XPNPEP1: variants seen among roughly 807,000 people sequenced by gnomAD.
XPNPEP1 encodes X-prolyl aminopeptidase 1, also known as xaa-Pro aminopeptidase 1.
In XPNPEP1, 39 loss-of-function variants were observed where a neutral mutation model predicts 92.4. The observed-to-expected ratio is 0.42, with a 90% CI of 0.33 to 0.55. XPNPEP1 has a LOEUF of 0.55. Among genes scored for constraint, XPNPEP1 ranks in the 20% least tolerant of loss-of-function variants. XPNPEP1 has a pLI of 0.08. For synonymous variants in XPNPEP1, 307 were observed against 299.4 expected, an observed-to-expected ratio of 1.03 and a Z score of -0.26; for missense variants, 654 against 856.1, an observed-to-expected ratio of 0.76 and a Z score of 2.95.
At chr10:109,879,178 C>T (rs1589561920) in intron 12 of XPNPEP1, among the ~76,000 whole-genome samples, 1 of 151,712 alleles carries the variant, frequency 6.6e-6, no homozygotes, top group East Asian at 1.9e-4. Flanking sequence ...GGAGACGGAG[C>T]TTGCAGTGAG....
In XPNPEP1 at chr10:109,878,880, T is replaced by C. The variant is rs191258982; in HGVS notation, c.1183-822A>G. Among the ~76,000 whole-genome samples, 7 of 127,246 alleles carry C rather than the reference T, an allele frequency of 5.5e-5. No individual in the cohort carries two copies. The East Asian group carries it at 1.6e-3, about 29-fold the overall frequency. 83.5% of individuals were successfully genotyped at this position (127,246 alleles called of 152,430 possible). A position where few individuals can be genotyped will look rare whatever the true frequency, so the allele number is the denominator to read the frequency against. On this transcript the variant is annotated intron_variant, in intron 12 of 20. Transcript: ENST00000502935. ...CAACAGATGAGACCCCATCTCAAAATAAGAAAAAAAAAAAGAAAAAAAATT... is the reference window on the plus strand; with the variant it reads ...CAACAGATGAGACCCCATCTCAAAACAAGAAAAAAAAAAAGAAAAAAAATT...
At chr10:109,912,616 G>C (rs1437569697) in intron 2 of XPNPEP1, among the ~76,000 whole-genome samples, 1 of 152,176 alleles carries the variant, frequency 6.6e-6, no homozygotes, top group African/African-American at 2.4e-5. Flanking sequence ...GAAAGTTGTA[G>C]CTAATGACCC....
chr10:109,922,785 G>C (rs1310570153), intron 1 of XPNPEP1, among the ~76,000 whole-genome samples: 1 of 152,212 alleles, frequency 6.6e-6, no homozygotes, highest in East Asian at 1.9e-4. Context: ...CTTGAGGCCG[G>C]GAAATTATCT....
chr10:109,900,976 A>G (rs1472292111), intron 3 of XPNPEP1, among the ~76,000 whole-genome samples: 1 of 152,240 alleles, frequency 6.6e-6, no homozygotes, highest in East Asian at 1.9e-4. Context: ...ATAAAGACAC[A>G]TGCACACATA....
At chr10:109,885,136 G>A (rs1848321650) in intron 8 of XPNPEP1, among the ~76,000 whole-genome samples, 1 of 152,140 alleles carries the variant, frequency 6.6e-6, no homozygotes. Flanking sequence ...ATGGATTCAT[G>A]AACCAAGATT....
intron 10 of XPNPEP1, among the ~76,000 whole-genome samples, chr10:109,882,034 G>C (rs943390778): frequency 6.6e-6 from 1 of 152,130 alleles, no homozygotes; most frequent in Non-Finnish European, 1.5e-5. Flanking sequence ...CTTCTTAACT[G>C]CTGTACCCTT....
intron 1 of XPNPEP1, among the ~76,000 whole-genome samples, chr10:109,920,901 T>A (rs1197612744): frequency 6.6e-6 from 1 of 152,050 alleles, no homozygotes; most frequent in Admixed American, 6.6e-5. Context: ...AAAACAAAGA[T>A]AACTTACCAT....
intron 3 of XPNPEP1, among the ~76,000 whole-genome samples, chr10:109,900,448 C>G (rs1258336891): frequency 6.6e-6 from 1 of 152,156 alleles, no homozygotes; most frequent in African/African-American, 2.4e-5. Flanking sequence ...AGAGTCGCCC[C>G]AACTATGTGG....
At chr10:109,884,381 C>T in intron 8 of XPNPEP1, 1 of 503,744 alleles carries the variant, frequency 2.0e-6, no homozygotes, top group Non-Finnish European at 3.5e-6. Context: ...ACATCACTGC[C>T]CGGAGAAGGG....
intron 1 of XPNPEP1, among the ~76,000 whole-genome samples, chr10:109,922,684 C>G (rs1323131252): frequency 6.6e-6 from 1 of 152,240 alleles, no homozygotes; most frequent in African/African-American, 2.4e-5. Flanking sequence ...CCTCCATGAA[C>G]TCTGAACACC....
chr10:109,885,292 G>A (rs997182841), intron 8 of XPNPEP1, among the ~76,000 whole-genome samples: 1 of 152,148 alleles, frequency 6.6e-6, no homozygotes, highest in Non-Finnish European at 1.5e-5. Context: ...TGCTTATAGT[G>A]TACTGATACA....
chr10:109,886,748 A>G lies in XPNPEP1; in HGVS notation c.653-407T>C, dbSNP rs1276049339. Among the ~76,000 whole-genome samples the G allele has an allele frequency of 3.3e-5, 5 of 152,232 alleles. No individual in the cohort carries two copies. The South Asian group carries it at 1.0e-3, about 31-fold the overall frequency. On this transcript the variant is annotated intron_variant, in intron 7 of 20. Transcript: ENST00000502935. ...AACACACTACTGTAAATACTGATGC[A>G]ACAGGGGACACACAGGGACCTATAT...
intron 17 of XPNPEP1, 37 bp downstream of exon 17, chr10:109,871,755 A>T: frequency 5.0e-6 from 8 of 1,592,996 alleles, no homozygotes; most frequent in Non-Finnish European, 6.8e-6. Context: ...CTCAAACAAG[A>T]AAAAGAGCCT....
intron 3 of XPNPEP1, among the ~76,000 whole-genome samples, chr10:109,903,283 C>G (rs1038878472): frequency 3.3e-5 from 5 of 152,186 alleles, no homozygotes; most frequent in African/African-American, 1.2e-4. Flanking sequence ...TACACTGAGG[C>G]CTCCCCTGGA....
At chr10:109,903,591 A>G (rs1411635596) in intron 3 of XPNPEP1, among the ~76,000 whole-genome samples, 1 of 152,244 alleles carries the variant, frequency 6.6e-6, no homozygotes, top group Non-Finnish European at 1.5e-5. Context: ...GGTGACATGA[A>G]GCCCACATCC....
intron 16 of XPNPEP1, 79 bp downstream of exon 16, chr10:109,873,288 A>AAAGAAGTAAAAAT (rs1847586759): frequency 6.4e-7 from 1 of 1,562,244 alleles, no homozygotes; most frequent in African/African-American, 1.4e-5. Context: ...TTACTTCTTT[A>AAAGAAGTAAAAAT]TACAATCCCT....
At chr10:109,915,973 A>G (rs1850164311) in intron 1 of XPNPEP1, among the ~76,000 whole-genome samples, 1 of 152,246 alleles carries the variant, frequency 6.6e-6, no homozygotes, top group Non-Finnish European at 1.5e-5. Flanking sequence ...TGGACACAAC[A>G]GTGAACAAAA....
At position 109,867,373 on chromosome 10, in the gene XPNPEP1, T is replaced by A. The variant is rs1438144643; in HGVS notation, c.1872+1241A>T. On this transcript the variant is annotated intron_variant, in intron 20 of 20. Coordinates refer to ENST00000502935, the MANE Select transcript of XPNPEP1 (RefSeq NM_020383.4). This position sits in a 1 kb window ranked among gnomAD's most constrained non-coding sequence, Gnocchi z 4.5. ...GGCTGAGTTTCCTTTTCCATATCCA[T>A]CTACAAGCTGCATAACCCACCCGGT... is the stretch of plus-strand genomic sequence containing the variant. Among the ~76,000 whole-genome samples the A allele has an allele frequency of 6.6e-6, 1 of 152,170 alleles. No homozygotes were observed. Among genetic ancestry groups the A allele is most frequent in the Non-Finnish European group, 1.5e-5 (1 of 68,042 alleles).
intron 1 of XPNPEP1, among the ~76,000 whole-genome samples, chr10:109,919,262 AAAGAACTATTATAAC>A (rs1346648349): frequency 6.6e-6 from 1 of 152,256 alleles, no homozygotes; most frequent in African/African-American, 2.4e-5. Flanking sequence ...CAGAATATAT[AAAGAACTATTATAAC>A]TCAACAATAA....
Sources: gnomAD v4.1 joint callset for allele counts (sites outside exome capture counted in the v4.1 genomes callset) on GRCh38, gnomAD v4.1.1 for gene constraint, Gnocchi (gnomAD v3.1) non-coding constraint, MANE v1.5 for transcripts, NCBI Gene and HGNC (gene_info 2026-07-23, HGNC 2026-07-21) for gene names.